The following VWC2L variants were observed in gnomAD, a reference collection of about 807,000 sequenced individuals.
VWC2L encodes the protein von Willebrand factor C domain-containing protein 2-like.
Under a neutral mutation model 21.6 loss-of-function variants are expected in VWC2L, and 10 were observed. The observed-to-expected ratio is 0.46, with a 90% CI of 0.29 to 0.78. The LOEUF (loss-of-function observed/expected upper bound fraction) is 0.78. Ranked by LOEUF, VWC2L falls within the 30% of genes least tolerant of loss-of-function variation. VWC2L has a pLI of 0.10. For synonymous variants in VWC2L, 96 were observed against 94.3 expected, an observed-to-expected ratio of 1.02 and a Z score of -0.10; for missense variants, 209 against 277.1, an observed-to-expected ratio of 0.75 and a Z score of 1.74.
At chr2:214,515,140 C>T (rs1345797485) in intron 3 of VWC2L, among the ~76,000 whole-genome samples, 1 of 152,132 alleles carries the variant, frequency 6.6e-6, no homozygotes, top group Non-Finnish European at 1.5e-5. Flanking sequence ...AGGATTGCAG[C>T]TCTATCTGTC....
chr2:214,562,020 T>C (rs930266001), intron 3 of VWC2L, among the ~76,000 whole-genome samples: 1 of 152,014 alleles, frequency 6.6e-6, no homozygotes, highest in African/African-American at 2.4e-5. Context: ...CTGTGGTACA[T>C]GTACAGGCAG....
intron 3 of VWC2L, among the ~76,000 whole-genome samples, chr2:214,511,566 T>A (rs564298183): frequency 3.3e-5 from 5 of 152,146 alleles, no homozygotes; most frequent in African/African-American, 1.2e-4. Context: ...ATCTGCAAAC[T>A]GAAAGGAGAG....
chr2:214,557,950 C>T (rs1446003367), intron 3 of VWC2L, among the ~76,000 whole-genome samples: 2 of 152,198 alleles, frequency 1.3e-5, no homozygotes, highest in African/African-American at 4.8e-5. Flanking sequence ...CTTACAGCTA[C>T]TGAACTCTTT....
At chr2:214,541,693 C>A (rs1433298842) in intron 3 of VWC2L, among the ~76,000 whole-genome samples, 2 of 152,166 alleles carry the variant, frequency 1.3e-5, no homozygotes, top group Non-Finnish European at 2.9e-5. Context: ...GTTTTCCCAT[C>A]TCTAAAACTG....
chr2:214,500,302 G>T (rs1461219814), intron 3 of VWC2L, among the ~76,000 whole-genome samples: 1 of 152,162 alleles, frequency 6.6e-6, no homozygotes, highest in Non-Finnish European at 1.5e-5. Flanking sequence ...AAAAATAGGA[G>T]TGCCAATAAA....
At chr2:214,514,342 C>T (rs1039209901) in intron 3 of VWC2L, among the ~76,000 whole-genome samples, 4 of 151,676 alleles carry the variant, frequency 2.6e-5, no homozygotes, top group African/African-American at 4.8e-5. Flanking sequence ...CACTTTTTTT[C>T]GTTCTTAACA....
chr2:214,482,569 C>G (rs1241293320), intron 3 of VWC2L, among the ~76,000 whole-genome samples: 2 of 149,918 alleles, frequency 1.3e-5, no homozygotes, highest in Admixed American at 1.3e-4. Flanking sequence ...ATATATATCT[C>G]TCCAAACTGG....
intron 3 of VWC2L, among the ~76,000 whole-genome samples, chr2:214,527,179 AAGTGGG>A (rs1408640438): frequency 6.6e-6 from 1 of 152,152 alleles, no homozygotes; most frequent in African/African-American, 2.4e-5. Flanking sequence ...CCTCACTTAT[AAGTGGG>A]AGTTAACATT....
intron 3 of VWC2L, chr2:214,525,291 TA>T (rs1391486241): frequency 6.6e-6 from 1 of 152,142 alleles, no homozygotes; most frequent in African/African-American, 2.4e-5. Flanking sequence ...AGACAGGAAG[TA>T]CATGTGTGCA....
chr2:214,465,957 C>T (rs373934865), intron 3 of VWC2L, among the ~76,000 whole-genome samples: 1 of 152,160 alleles, frequency 6.6e-6, no homozygotes, highest in Non-Finnish European at 1.5e-5. Flanking sequence ...TCTCCCTCCC[C>T]CAAGCACACA....
rs767927988 is a variant in VWC2L, at chr2:214,556,050, C to T, written c.521-19622C>T. On this transcript the variant is annotated intron_variant, in intron 3 of 3. Coordinates refer to ENST00000312504, the MANE Select transcript of VWC2L (RefSeq NM_001080500.4). ...ACACTCAGATGAGCACATCAAGTCTCGGCAGATCACCAATGCAGAGAGTTC... is the reference window on the plus strand; with the variant it reads ...ACACTCAGATGAGCACATCAAGTCTTGGCAGATCACCAATGCAGAGAGTTC... Among the ~76,000 whole-genome samples the T allele has an allele frequency of 9.9e-5, 15 of 152,076 alleles. 1 individual carries two copies. Among genetic ancestry groups the T allele is most frequent in the Non-Finnish European group, 2.1e-4 (14 of 68,030 alleles).
At chr2:214,558,917 T>C (rs926368310) in intron 3 of VWC2L, among the ~76,000 whole-genome samples, 1 of 151,874 alleles carries the variant, frequency 6.6e-6, no homozygotes, top group Non-Finnish European at 1.5e-5. Context: ...CATGTGCACA[T>C]TGTGCAGGTT....
chr2:214,560,066 G>C (rs1051716773), intron 3 of VWC2L, among the ~76,000 whole-genome samples: 2 of 152,056 alleles, frequency 1.3e-5, no homozygotes, highest in Non-Finnish European at 2.9e-5. Flanking sequence ...AAACAAACTA[G>C]CCTCATTATA....
At chr2:214,521,277 A>C (rs79870546) in intron 3 of VWC2L, among the ~76,000 whole-genome samples, 10,759 of 111,840 alleles carry the variant, frequency 0.096, 423 homozygotes, top group Admixed American at 0.14. Context: ...ATAAATAAAT[A>C]AAACTACCAA....
At chr2:214,535,860 G>A (rs13416887) in intron 3 of VWC2L, among the ~76,000 whole-genome samples, 42,069 of 151,676 alleles carry the variant, frequency 0.28, 6,104 homozygotes, top group East Asian at 0.48. Context: ...GAAGATACAG[G>A]ACTCTGACCT....
chr2:214,441,812 A>T (rs1157524518), intron 3 of VWC2L, among the ~76,000 whole-genome samples: 1 of 151,930 alleles, frequency 6.6e-6, no homozygotes, highest in African/African-American at 2.4e-5. Context: ...TTTGTATGTA[A>T]TATAATGTAT....
At chr2:214,453,554 C>A (rs1367477014) in intron 3 of VWC2L, among the ~76,000 whole-genome samples, 1 of 152,124 alleles carries the variant, frequency 6.6e-6, no homozygotes, top group Non-Finnish European at 1.5e-5. Context: ...ACTCTATACA[C>A]CCATTTGAGG....
intron 3 of VWC2L, among the ~76,000 whole-genome samples, chr2:214,484,738 G>T (rs927072155): frequency 6.6e-6 from 1 of 152,060 alleles, no homozygotes; most frequent in Non-Finnish European, 1.5e-5. Flanking sequence ...CTTTGAAAAG[G>T]TTGCCTAAGA....
intron 3 of VWC2L, among the ~76,000 whole-genome samples, chr2:214,455,847 C>G (rs1703048270): frequency 6.6e-6 from 1 of 152,182 alleles, no homozygotes. Context: ...TCCTCCAATT[C>G]TATCCAGGTG....
Sources: allele counts gnomAD v4.1 joint callset (sites outside exome capture counted in the v4.1 genomes callset), GRCh38; gene constraint gnomAD v4.1.1; transcripts MANE v1.5; gene names NCBI Gene and HGNC (gene_info 2026-07-23, HGNC 2026-07-21).